Variants in CMSS1 observed in about 807,000 individuals in gnomAD.
CMSS1 encodes cms1 ribosomal small subunit homolog.
A neutral mutation model predicts 43.5 loss-of-function variants in CMSS1; 33 were observed. That is an observed-to-expected ratio of 0.76 (90% CI 0.57 to 1.01). The LOEUF is 1.01. Ranked by LOEUF, CMSS1 falls within the 50% of genes least tolerant of loss-of-function variation. The pLI is 0.00. For synonymous variants in CMSS1, 115 were observed against 117.2 expected (o/e 0.98, Z 0.12); for missense variants, 313 against 326.4 (o/e 0.96, Z 0.32).
At chr3:100,113,139 G>T (rs2066518271) in intron 1 of CMSS1, among the ~76,000 whole-genome samples, 1 of 152,188 alleles carries the variant, frequency 6.6e-6, no homozygotes, top group African/African-American at 2.4e-5. Context: ...AATAAAGAAA[G>T]ATATGTAATC....
intron 1 of CMSS1, among the ~76,000 whole-genome samples, chr3:99,944,598 C>G (rs150701778): frequency 3.3e-5 from 5 of 152,142 alleles, no homozygotes; most frequent in African/African-American, 7.2e-5. Context: ...TTAAAGTAAC[C>G]GAAACCTAAA....
chr3:99,917,814 ACT>A (rs1270694442), intron 1 of CMSS1, among the ~76,000 whole-genome samples: 5 of 152,214 alleles, frequency 3.3e-5, no homozygotes, highest in African/African-American at 1.2e-4. Flanking sequence ...GGTGGTAGTC[ACT>A]GTCATTCTCA....
At chr3:100,120,298 T>G (rs1213483265) in intron 1 of CMSS1, among the ~76,000 whole-genome samples, 1 of 152,240 alleles carries the variant, frequency 6.6e-6, no homozygotes, top group African/African-American at 2.4e-5. Context: ...ACTGCATTGC[T>G]TTCTTCCTTG....
intron 1 of CMSS1, chr3:99,875,947 C>T: frequency 1.7e-6 from 1 of 586,396 alleles, no homozygotes; most frequent in Non-Finnish European, 2.2e-6. Context: ...TCATTGGATG[C>T]GCTTTGCGAA....
At chr3:99,823,668 A>C in intron 1 of CMSS1, among the ~76,000 whole-genome samples, 1 of 152,184 alleles carries the variant, frequency 6.6e-6, no homozygotes, top group East Asian at 1.9e-4. Context: ...TTTTGAAAAG[A>C]AGTCAGGCCA....
intron 2 of CMSS1, among the ~76,000 whole-genome samples, chr3:100,147,574 C>G (rs1241681719): frequency 6.6e-6 from 1 of 152,020 alleles, no homozygotes; most frequent in East Asian, 1.9e-4. Flanking sequence ...CTCCTGGTTC[C>G]TAATGTTTTT....
At chr3:99,866,802 C>T (rs1048732046) in intron 1 of CMSS1, among the ~76,000 whole-genome samples, 4 of 152,104 alleles carry the variant, frequency 2.6e-5, no homozygotes, top group Non-Finnish European at 4.4e-5. Flanking sequence ...GGGCCATATG[C>T]CATCTCTAAT....
At chr3:99,879,228 G>A (rs1705639317) in intron 1 of CMSS1, among the ~76,000 whole-genome samples, 1 of 152,112 alleles carries the variant, frequency 6.6e-6, no homozygotes, top group African/African-American at 2.4e-5. Context: ...TTCTAATGCG[G>A]GAGAAGGGGT....
chr3:99,882,379 A>G (rs1705757523), intron 1 of CMSS1, among the ~76,000 whole-genome samples: 1 of 152,208 alleles, frequency 6.6e-6, no homozygotes, highest in African/African-American at 2.4e-5. Context: ...ACTGTCTCAT[A>G]TAAGCAGTCA....
intron 1 of CMSS1, among the ~76,000 whole-genome samples, chr3:100,081,955 A>T (rs2065938684): frequency 6.6e-6 from 1 of 152,114 alleles, no homozygotes; most frequent in East Asian, 1.9e-4. Flanking sequence ...ATTGCCTTCA[A>T]TTGCTGTTTT....
At chr3:99,848,050 CTAAA>C (rs2107519960) in intron 1 of CMSS1, 2 of 1,259,984 alleles carry the variant, frequency 1.6e-6, no homozygotes, top group East Asian at 3.1e-5. Context: ...CAAGTGCAGA[CTAAA>C]TATTTTCCAT....
intron 1 of CMSS1, among the ~76,000 whole-genome samples, chr3:100,016,447 A>ACAG (rs1384348541): frequency 6.6e-6 from 1 of 152,138 alleles, no homozygotes; most frequent in Admixed American, 6.6e-5. Context: ...CACCTCGGAA[A>ACAG]GTGCTGGGAT....
At chr3:99,841,652 C>A (rs1943137821) in intron 1 of CMSS1, among the ~76,000 whole-genome samples, 1 of 151,974 alleles carries the variant, frequency 6.6e-6, no homozygotes, top group South Asian at 2.1e-4. Flanking sequence ...AGGCGCAATC[C>A]CATCATAAAA....
chr3:100,102,167 C>G (rs147147526), intron 1 of CMSS1, among the ~76,000 whole-genome samples: 2,822 of 152,306 alleles, frequency 0.019, 35 homozygotes, highest in Non-Finnish European at 0.03. Flanking sequence ...AATGGTATTT[C>G]TAGTTCTAGA....
At chr3:100,052,161 G>A (rs1207753947) in intron 1 of CMSS1, among the ~76,000 whole-genome samples, 1 of 152,072 alleles carries the variant, frequency 6.6e-6, no homozygotes, top group Non-Finnish European at 1.5e-5. Context: ...ACCCCATGAT[G>A]CACACTTATA....
intron 1 of CMSS1, among the ~76,000 whole-genome samples, chr3:100,117,078 TC>T (rs2066576608): frequency 6.6e-6 from 1 of 152,168 alleles, no homozygotes; most frequent in Non-Finnish European, 1.5e-5. Flanking sequence ...AGGGAAGAGT[TC>T]AATTATTTAT....
At chr3:99,930,690 T>G in intron 1 of CMSS1, 1 of 1,449,044 alleles carries the variant, frequency 6.9e-7, no homozygotes, top group Non-Finnish European at 9.6e-7. Context: ...AGATATCTAT[T>G]TCTGTGGCAG....
chr3:100,122,786 T>C (rs1377629450), intron 1 of CMSS1, among the ~76,000 whole-genome samples: 1 of 152,224 alleles, frequency 6.6e-6, no homozygotes, highest in Non-Finnish European at 1.5e-5. Flanking sequence ...GCTTCTTAAG[T>C]CCAGTCAGGG....
At chr3:99,922,144 C>T (rs1707144946) in intron 1 of CMSS1, among the ~76,000 whole-genome samples, 2 of 152,126 alleles carry the variant, frequency 1.3e-5, no homozygotes, top group South Asian at 4.1e-4. Context: ...TTATGCCAGG[C>T]AACACTCTGA....
Sources: allele counts gnomAD v4.1 joint callset (sites outside exome capture counted in the v4.1 genomes callset), GRCh38; gene constraint gnomAD v4.1.1; transcripts MANE v1.5; gene names NCBI Gene and HGNC (gene_info 2026-07-23, HGNC 2026-07-21).